The following ZNF318 variants were observed in gnomAD, a reference collection of about 807,000 sequenced individuals.
The protein encoded by ZNF318 is endocrine regulator.
Under a neutral mutation model 124.2 loss-of-function variants are expected in ZNF318, and 51 were observed. The observed-to-expected ratio is 0.41, with a 90% CI of 0.33 to 0.52. ZNF318 has a LOEUF of 0.52. Ranked by LOEUF, ZNF318 falls within the 20% of genes least tolerant of loss-of-function variation. The pLI is 0.23. For synonymous variants in ZNF318, 1,090 were observed against 1,040.7 expected (o/e 1.05, Z -0.91); for missense variants, 2,815 against 2,811.2 (o/e 1.00, Z -0.03).
Position 43,355,527 on chromosome 6 carries a change from T to C in ZNF318, c.1807A>G (p.Ile603Val), listed in dbSNP as rs764013416. Residue 603 changes from isoleucine to valine, a missense_variant, in exon 4 of 10, where the codon ATT becomes GTT. Physicochemically the swap from Ile to Val is conservative, Grantham distance 29. Coordinates refer to ENST00000361428, the MANE Select transcript of ZNF318 (RefSeq NM_014345.3). Reference sequence around the variant, plus strand: ...AATTGACTAATCTCTGCTACTCCAATATCCAGCCCTATTGTCTTGAGCAAG... The same window carrying C: ...AATTGACTAATCTCTGCTACTCCAACATCCAGCCCTATTGTCTTGAGCAAG... ...HDLLKTIGLD[I>V]GVAEISQLAA... The C allele has an allele frequency of 1.1e-5, 18 of 1,614,098 alleles. No homozygotes were observed. Among genetic ancestry groups the C allele is most frequent in the Admixed American group, 6.7e-5 (4 of 60,000 alleles).
intron 2 of ZNF318, among the ~76,000 whole-genome samples, chr6:43,362,697 T>G (rs1394595720): frequency 2.0e-5 from 3 of 151,846 alleles, no homozygotes; most frequent in Non-Finnish European, 2.9e-5. Context: ...AGAGACAGGA[T>G]CTCATCATGT....
rs1323427711 is a variant in ZNF318 at position 43,365,436 on chromosome 6, C to T, written c.404G>A (p.Arg135His). 13 of 1,613,092 alleles carry T rather than the reference C, an allele frequency of 8.1e-6. No individual in the cohort carries two copies. In the East Asian group the frequency reaches 8.9e-5, roughly 11 times the overall value. The stretch of plus-strand genomic sequence containing the variant: ...AGAGTCAGAACACAGACCAGGAGAG[C>T]GTCTCTACAAAAGTAAAGGATAATA... ...DHPGDSGSRR[R>H]SPGLCSDSLE... The change falls in exon 2 of 10, where the codon CGC (arginine) becomes CAC (histidine). Residue 135 changes from arginine (R) to histidine (H), a missense_variant. Transcript: ENST00000361428.
chr6:43,355,308 G>C lies in ZNF318; in HGVS notation c.2026C>G (p.Leu676Val), dbSNP rs769236718. Residue 676 changes from leucine to valine, a missense_variant, in exon 4 of 10, where the codon CTA (leucine) becomes GTA (valine). Around this residue, in one of 4 missense-constraint regions of ZNF318, gnomAD observed 1,377 missense variants for 1,353.5 expected, o/e 1.02. Coordinates refer to ENST00000361428, the MANE Select transcript of ZNF318 (RefSeq NM_014345.3). ...ADRRSSDPHR[L>V]ESREAHHSNT... is the part of the protein sequence containing the mutation. ...CTATGATGTGCCTCCCTGCTCTCTA[G>C]TCTGTGGGGATCTGAGGAACGTCGA... The C allele has an allele frequency of 1.2e-6, 2 of 1,614,210 alleles. No individual in the cohort carries two copies. The highest frequency in any genetic ancestry group is 1.7e-6 in the Non-Finnish European group (2 of 1,180,034).
At chr6:43,356,367 G>A (rs888095159) in intron 3 of ZNF318, among the ~76,000 whole-genome samples, 5 of 152,092 alleles carry the variant, frequency 3.3e-5, no homozygotes, top group Non-Finnish European at 7.4e-5. Flanking sequence ...AAACTGGATG[G>A]AATCCTCACC....
intron 4 of ZNF318, 99 bp from the exon 5 acceptor site, chr6:43,352,575 A>G (rs539110140): frequency 1.8e-6 from 2 of 1,098,664 alleles, no homozygotes; most frequent in East Asian, 5.0e-5. Context: ...ATCTGAATGT[A>G]AGGATCCAAA....
chr6:43,356,542 G>A (rs1347805664), intron 3 of ZNF318, among the ~76,000 whole-genome samples: 3 of 152,126 alleles, frequency 2.0e-5, no homozygotes, highest in Non-Finnish European at 4.4e-5. Flanking sequence ...TCCTTTGCTT[G>A]GGAACCTCTT....
At chr6:43,358,702 G>GC (rs1220657605) in intron 2 of ZNF318, among the ~76,000 whole-genome samples, 1 of 152,036 alleles carries the variant, frequency 6.6e-6, no homozygotes, top group African/African-American at 2.4e-5. Context: ...TTACAGGTGT[G>GC]CACCACCATG....
In ZNF318 at chr6:43,339,995, G is replaced by A. The variant is rs1235676061; in HGVS notation, c.4003C>T (p.Pro1335Ser). Reference sequence around the variant, plus strand: ...GAAGTTGTCACAACAGGCATCCAAGGGCTGGTATGTGCAACAACAGTTTTC... The same window carrying A: ...GAAGTTGTCACAACAGGCATCCAAGAGCTGGTATGTGCAACAACAGTTTTC... ...SGKTVVAHTS[P>S]WMPVVTTSTQ... is the part of the protein sequence containing the mutation. The change falls in exon 10 of 10, where the codon CCT becomes TCT. Residue 1335 changes from proline to serine, a missense_variant. Transcript: ENST00000361428. The surrounding 1 kb of genome is among the most constrained non-coding windows in gnomAD (Gnocchi z 4.2). The A allele has an allele frequency of 3.1e-6, 5 of 1,614,178 alleles. No homozygotes were observed. The highest frequency in any genetic ancestry group is 3.4e-6 in the Non-Finnish European group (4 of 1,180,038).
chr6:43,368,394 C>G (rs1779789219), intron 1 of ZNF318, among the ~76,000 whole-genome samples: 6 of 152,188 alleles, frequency 3.9e-5, no homozygotes, highest in Admixed American at 3.9e-4. Context: ...AGGCATAATT[C>G]CTGACATAGA....
At position 43,369,129 on chromosome 6, in the gene ZNF318, G is replaced by A; in HGVS notation, c.237C>T (p.Ser79=). ...CGCGACGGGCCCGAGGCGGGGACGG[G>A]GAGACGCGACGACCCCGTGGCGGGG... ...SPSPPRGRRV[S]PSPPRARRGS... Residue 79 remains serine, a synonymous_variant, in exon 1 of 10, where the codon TCC becomes TCT. Transcript: ENST00000361428. 8 of 1,233,818 alleles carry A rather than the reference G, an allele frequency of 6.5e-6. No individual in the cohort carries two copies. The highest frequency in any genetic ancestry group is 7.1e-6 in the Non-Finnish European group (7 of 988,840). 76.4% of individuals were successfully genotyped at this position (1,233,818 alleles called of 1,614,324 possible). A position where few individuals can be genotyped will look rare whatever the true frequency, so the allele number is the denominator to read the frequency against.
In ZNF318 at chr6:43,369,370, C is replaced by T. The variant is rs778624495; in HGVS notation, c.-5G>A. ...GCGAGCGCTGCTGCGGTACATGGTT[C>T]TTGCAGCGGCGGCCACGGCGACAGC... On this transcript the variant is annotated 5_prime_UTR_variant, in exon 1 of 10. Coordinates refer to ENST00000361428, the MANE Select transcript of ZNF318 (RefSeq NM_014345.3). 315 of 1,256,502 alleles carry T rather than the reference C, an allele frequency of 2.5e-4. No individual in the cohort carries two copies. In the Middle Eastern group the frequency reaches 6.8e-3, roughly 27 times the overall value. The allele number at this position is 1,256,502 out of a possible 1,614,324, so 77.8% of individuals were successfully genotyped here.
Position 43,369,424 on chromosome 6 carries a change from C to A in ZNF318, c.-59G>T, listed in dbSNP as rs916993927. The A allele has an allele frequency of 2.1e-5, 24 of 1,148,464 alleles. No individual in the cohort carries two copies. In the African/African-American group the frequency reaches 3.8e-4, roughly 18 times the overall value. The allele number at this position is 1,148,464 out of a possible 1,614,324, so 71.1% of individuals were successfully genotyped here. Reference sequence around the variant, plus strand: ...GACCCGGGGGCGCCCTAGACGCAGGCTCGGAGCGCGCCGCCGCAGCTGCAG... The same window carrying A: ...GACCCGGGGGCGCCCTAGACGCAGGATCGGAGCGCGCCGCCGCAGCTGCAG... On this transcript the variant is annotated 5_prime_UTR_variant, in exon 1 of 10. Coordinates refer to ENST00000361428, the MANE Select transcript of ZNF318 (RefSeq NM_014345.3).
At chr6:43,347,295 T>C (rs978931883) in intron 6 of ZNF318, among the ~76,000 whole-genome samples, 1 of 152,168 alleles carries the variant, frequency 6.6e-6, no homozygotes, top group Non-Finnish European at 1.5e-5. Flanking sequence ...GGCAAGGGAT[T>C]AAGTATCATG....
intron 5 of ZNF318, among the ~76,000 whole-genome samples, chr6:43,350,417 A>C (rs558358490): frequency 6.6e-6 from 1 of 152,324 alleles, no homozygotes; most frequent in African/African-American, 2.4e-5. Flanking sequence ...CAAATGAAGA[A>C]TCCATGAATT....
Position 43,340,113 on chromosome 6 carries a change from G to A in ZNF318, c.3885C>T (p.Ile1295=). The change falls in exon 10 of 10, where the codon ATC becomes ATT. Residue 1295 remains isoleucine, a synonymous_variant. Coordinates refer to ENST00000361428, the MANE Select transcript of ZNF318 (RefSeq NM_014345.3). ...TACTTTCTAGAATCTCTTCTTTAGA[G>A]ATACTTGGGGTCACCAATGAACTTT... ...EEKSSLVTPS[I]SKEEILESSK... 2 of 1,614,134 alleles carry A rather than the reference G, an allele frequency of 1.2e-6. No homozygotes were observed. The highest frequency in any genetic ancestry group is 1.7e-6 in the Non-Finnish European group (2 of 1,180,028).
rs1379798079 is a variant in ZNF318, at chr6:43,338,194, T to C, written c.5804A>G (p.Tyr1935Cys). The change falls in exon 10 of 10, where the codon TAC becomes TGC. Residue 1935 changes from tyrosine to cysteine, a missense_variant. This residue lies in a region of ZNF318 where 927 missense variants were observed against 820.6 expected (regional missense o/e 1.13). Coordinates refer to ENST00000361428, the MANE Select transcript of ZNF318 (RefSeq NM_014345.3). ...TTCTCTCTTGAGTTTGAGACTTCTG[T>C]ACCTAGAAGTTCTAGAAGCTGATTC... The part of the protein sequence containing the change: ...APESASRTSR[Y>C]RSLKLKRERS... 8 of 1,614,174 alleles carry C rather than the reference T, an allele frequency of 5.0e-6. No individual in the cohort carries two copies. The South Asian group carries it at 6.6e-5, about 13-fold the overall frequency.
intron 2 of ZNF318, among the ~76,000 whole-genome samples, chr6:43,362,310 T>C (rs932090957): frequency 2.7e-5 from 4 of 150,090 alleles, no homozygotes; most frequent in African/African-American, 9.8e-5. Flanking sequence ...AAAATTAGCC[T>C]GGCATGGTAG....
At chr6:43,367,911 G>A (rs757862272) in intron 1 of ZNF318, among the ~76,000 whole-genome samples, 2 of 152,234 alleles carry the variant, frequency 1.3e-5, no homozygotes, top group Non-Finnish European at 2.9e-5. Flanking sequence ...TATAATCCCA[G>A]CTACTTGGGA....
rs1779539461 is a variant in ZNF318 at position 43,352,238 on chromosome 6, G to GC, written c.2770+138dup. 5 of 652,358 alleles carry GC rather than the reference G, an allele frequency of 7.7e-6. No individual in the cohort carries two copies. In the Admixed American group the frequency reaches 1.4e-4, roughly 18 times the overall value. 40.4% of individuals were successfully genotyped at this position (652,358 alleles called of 1,614,324 possible). ...CCTGAGAATTCTTTGCACTATTATT[G>GC]CAACTTTTTTGTAAGTTTAATTACG... is the stretch of plus-strand genomic sequence containing the variant. On this transcript the variant is annotated intron_variant, in intron 5 of 9. Coordinates refer to ENST00000361428, the MANE Select transcript of ZNF318 (RefSeq NM_014345.3).
Sources: gnomAD v4.1 joint callset for allele counts (sites outside exome capture counted in the v4.1 genomes callset) on GRCh38, gnomAD v4.1.1 for gene constraint, gnomAD v4.1.1 regional missense constraint, Gnocchi (gnomAD v3.1) non-coding constraint, MANE v1.5 for transcripts, NCBI Gene and HGNC (gene_info 2026-07-23, HGNC 2026-07-21) for gene names.